RASL11B: variants seen among roughly 807,000 people sequenced by gnomAD.
RASL11B encodes the protein ras-like protein family member 11B.
RASL11B carries 14 observed loss-of-function variants against 22.9 expected under a neutral mutation model. That is an observed-to-expected ratio of 0.61 (90% CI 0.40 to 0.96). RASL11B has a LOEUF of 0.96. Among genes scored for constraint, RASL11B ranks in the 40% least tolerant of loss-of-function variants. The pLI is 0.00. For synonymous variants in RASL11B, 143 were observed against 130.2 expected (o/e 1.10, Z -0.67); for missense variants, 261 against 322.0 (o/e 0.81, Z 1.45).
chr4:52,865,780 A>G lies in RASL11B; in HGVS notation c.722A>G (p.Lys241Arg). ...AGGTTTAAGCAAGCCCTCTCTGCCA[A>G]AGTGAGGACTGTCACCTCCGTCTGA... ...KRRFKQALSA[K>R]VRTVTSV Residue 241 changes from lysine to arginine, a missense_variant, in exon 4 of 4, where the codon AAA becomes AGA. By Grantham distance (26) the Lys-to-Arg change is conservative (BLOSUM62 2). Coordinates refer to ENST00000248706, the MANE Select transcript of RASL11B (RefSeq NM_023940.3). 2.5e-6 allele frequency: 4 copies of G among 1,613,740 alleles called. No homozygotes were observed. The highest frequency in any genetic ancestry group is 3.4e-6 in the Non-Finnish European group (4 of 1,179,920).
intron 1 of RASL11B, 140 bp downstream of exon 1, chr4:52,862,789 G>C (rs961297736): frequency 2.9e-6 from 3 of 1,048,510 alleles, no homozygotes; most frequent in African/African-American, 3.3e-5. Flanking sequence ...CCCCTTGGGA[G>C]TGGGCTTAGC....
chr4:52,862,663 C>G lies in RASL11B; in HGVS notation c.142+14C>G. On this transcript the variant is annotated intron_variant, in intron 1 of 3. Transcript: ENST00000248706. ...TGGGCAAGACCGGTGAGTCGTCGCG[C>G]TTAGCCCTGGGTCTGGTCTTGGACG... 5 of 1,555,366 alleles carry G rather than the reference C, an allele frequency of 3.2e-6. No individual in the cohort carries two copies. The highest frequency in any genetic ancestry group is 4.3e-6 in the Non-Finnish European group (5 of 1,160,732).
In RASL11B at chr4:52,862,534, C is replaced by A; in HGVS notation, c.27C>A (p.Thr9=). 1 of 1,606,820 alleles carries A rather than the reference C, an allele frequency of 6.2e-7. No individual in the cohort carries two copies. ...TGCGCCTCATTCAGAACATGTGCACCATCGCCGAGTACCCCGCGCCGGGCA... is the reference window on the plus strand; with the variant it reads ...TGCGCCTCATTCAGAACATGTGCACAATCGCCGAGTACCCCGCGCCGGGCA... MRLIQNMC[T]IAEYPAPGNA... is the part of the protein sequence containing the mutation. The change falls in exon 1 of 4, where the codon ACC becomes ACA. Residue 9 remains threonine, a synonymous_variant. Transcript: ENST00000248706.
chr4:52,866,102 T>C lies in RASL11B; in HGVS notation c.*297T>C. On this transcript the variant is annotated 3_prime_UTR_variant, in exon 4 of 4. Transcript: ENST00000248706. ...AATCGTTTCGGTTTCTGCATTCAAC[T>C]ACCTTGTAAATGGTGGTCCGTTGCA... is the stretch of plus-strand genomic sequence containing the variant. 1 of 396,234 alleles carries C rather than the reference T, an allele frequency of 2.5e-6. No homozygotes were observed. The highest frequency in any genetic ancestry group is 4.1e-5 in the South Asian group (1 of 24,664). 24.5% of individuals were successfully genotyped at this position (396,234 alleles called of 1,614,324 possible).
rs1051389471 is a variant in RASL11B, at chr4:52,862,447, G to C, written c.-61G>C. ...GTCGGGTCCTCCCGCCCGCTCCCGC[G>C]CAGCGCTAGCATTCTCCAGTCCCTC... On this transcript the variant is annotated 5_prime_UTR_variant, in exon 1 of 4. Coordinates refer to ENST00000248706, the MANE Select transcript of RASL11B (RefSeq NM_023940.3). 6.6e-7 allele frequency: 1 copy of C among 1,517,258 alleles called. No homozygotes were observed. Among genetic ancestry groups the C allele is most frequent in the Non-Finnish European group, 8.8e-7 (1 of 1,130,814 alleles). 94.0% of individuals were successfully genotyped at this position (1,517,258 alleles called of 1,614,324 possible).
rs553131197 is a variant in RASL11B, at chr4:52,865,736, C to T, written c.678C>T (p.Asn226=). Residue 226 remains asparagine (N), a synonymous_variant, in exon 4 of 4, where the codon AAC becomes AAT. Transcript: ENST00000248706. ...TCATTCCCAGGCCCAAGTCACCCAA[C>T]ATGCAGGACCTGAAGAGGAGGTTTA... ...TSLIPRPKSP[N]MQDLKRRFKQ... 3 of 1,614,058 alleles carry T rather than the reference C, an allele frequency of 1.9e-6. No individual in the cohort carries two copies. In the African/African-American group the frequency reaches 4.0e-5, roughly 22 times the overall value.
Position 52,865,875 on chromosome 4 carries a change from C to G in RASL11B, c.*70C>G. ...GCCTGAGGTTCTCCTAGTGCAGGAA[C>G]GTTGAATATTGGCAATGATTCCTGG... On this transcript the variant is annotated 3_prime_UTR_variant, in exon 4 of 4. Transcript: ENST00000248706. The G allele has an allele frequency of 8.8e-7, 1 of 1,136,162 alleles. No homozygotes were observed. The highest frequency in any genetic ancestry group is 1.3e-6 in the Non-Finnish European group (1 of 786,430). 70.4% of individuals were successfully genotyped at this position (1,136,162 alleles called of 1,614,324 possible). A position where few individuals can be genotyped will look rare whatever the true frequency, so the allele number is the denominator to read the frequency against.
rs1435166234 is a variant in RASL11B at position 52,862,457 on chromosome 4, C to T, written c.-51C>T. On this transcript the variant is annotated 5_prime_UTR_variant, in exon 1 of 4. Transcript: ENST00000248706. ...CCCGCCCGCTCCCGCGCAGCGCTAG[C>T]ATTCTCCAGTCCCTCAGTCCCTTCC... 2 of 1,568,776 alleles carry T rather than the reference C, an allele frequency of 1.3e-6. No individual in the cohort carries two copies. The highest frequency in any genetic ancestry group is 2.3e-5 in the South Asian group (2 of 86,464).
rs938076646 is a variant in RASL11B at position 52,863,441 on chromosome 4, A to G, written c.199+117A>G. The G allele has an allele frequency of 4.9e-6, 4 of 822,180 alleles. No individual in the cohort carries two copies. In the East Asian group the frequency reaches 8.0e-5, roughly 16 times the overall value. The allele number at this position is 822,180 out of a possible 1,614,324, so 50.9% of individuals were successfully genotyped here. A position where few individuals can be genotyped will look rare whatever the true frequency, so the allele number is the denominator to read the frequency against. On this transcript the variant is annotated intron_variant, in intron 2 of 3. Transcript: ENST00000248706. ...ACAGTCCGAGCCTGAGGATCCCGCC[A>G]CTTAAAACTTTCCCCAGTCCCCAGC...
rs1181523127 is a variant in RASL11B at position 52,866,342 on chromosome 4, C to T, written c.*537C>T. On this transcript the variant is annotated 3_prime_UTR_variant, in exon 4 of 4. Coordinates refer to ENST00000248706, the MANE Select transcript of RASL11B (RefSeq NM_023940.3). ...ATGCCTTTCTAACCTGAAGGATACC[C>T]AGATTTCTTTCTTTATGTACAAGAT... 1 of 153,814 alleles carries T rather than the reference C, an allele frequency of 6.5e-6. No homozygotes were observed. Among genetic ancestry groups the T allele is most frequent in the South Asian group, 2.0e-4 (1 of 4,916 alleles). 9.5% of individuals were successfully genotyped at this position (153,814 alleles called of 1,614,324 possible). A position where few individuals can be genotyped will look rare whatever the true frequency, so the allele number is the denominator to read the frequency against.
At chr4:52,863,234 T>G in intron 1 of RASL11B, 34 bp from the exon 2 acceptor site, 1 of 1,601,944 alleles carries the variant, frequency 6.2e-7, no homozygotes, top group Non-Finnish European at 8.5e-7. Flanking sequence ...ACTTCCAAGG[T>G]TAACACTTTG....
At chr4:52,864,612 A>G (rs1718224947) in intron 3 of RASL11B, 58 bp downstream of exon 3, 1 of 1,139,980 alleles carries the variant, frequency 8.8e-7, no homozygotes, top group Admixed American at 1.7e-5. Context: ...GGAATCACTC[A>G]CTTCTTCTCA....
chr4:52,865,581 G>A lies in RASL11B; in HGVS notation c.523G>A (p.Gly175Ser). The change falls in exon 4 of 4, where the codon GGC becomes AGC. Residue 175 changes from glycine to serine, a missense_variant. Physicochemically the swap from Gly to Ser is moderately conservative, Grantham distance 56. Transcript: ENST00000248706. ...QLGLQLASML[G>S]CSFYEVSVSE... ...TGGACTGCAGCTAGCCAGCATGCTA[G>A]GCTGCTCATTCTATGAAGTGTCTGT... 6.2e-7 allele frequency: 1 copy of A among 1,614,136 alleles called. No homozygotes were observed. Among genetic ancestry groups the A allele is most frequent in the Non-Finnish European group, 8.5e-7 (1 of 1,179,986 alleles).
intron 2 of RASL11B, 138 bp downstream of exon 2, chr4:52,863,462 C>T: frequency 1.4e-6 from 1 of 694,112 alleles, no homozygotes; most frequent in Non-Finnish European, 2.5e-6. Flanking sequence ...TCCCCAGTCC[C>T]CAGCCCTCCA....
In RASL11B at chr4:52,863,449, C is replaced by T. The variant is rs1026806450; in HGVS notation, c.199+125C>T. On this transcript the variant is annotated intron_variant, in intron 2 of 3. Transcript: ENST00000248706. ...AGCCTGAGGATCCCGCCACTTAAAACTTTCCCCAGTCCCCAGCCCTCCATG... is the reference window on the plus strand; with the variant it reads ...AGCCTGAGGATCCCGCCACTTAAAATTTTCCCCAGTCCCCAGCCCTCCATG... The T allele has an allele frequency of 1.3e-5, 10 of 768,418 alleles. No individual in the cohort carries two copies. In the East Asian group the frequency reaches 2.4e-4, roughly 19 times the overall value. 47.6% of individuals were successfully genotyped at this position (768,418 alleles called of 1,614,324 possible). A position where few individuals can be genotyped will look rare whatever the true frequency, so the allele number is the denominator to read the frequency against.
In RASL11B at chr4:52,865,337, C is replaced by A; in HGVS notation, c.279C>A (p.Val93=). Reference sequence around the variant, plus strand: ...TTGCCATCACTCCTCTCTTTCAGGTCCATGAGAACAGCCTGAGCTGCAGTG... The same window carrying A: ...TTGCCATCACTCCTCTCTTTCAGGTACATGAGAACAGCCTGAGCTGCAGTG... ...LQVQDTPGIQ[V]HENSLSCSEQ... is the part of the protein sequence containing the mutation. The change falls in exon 4 of 4, where the codon GTC becomes GTA. Residue 93 remains valine, a splice_region_variant and synonymous_variant. Transcript: ENST00000248706. The A allele has an allele frequency of 6.2e-7, 1 of 1,602,310 alleles. No individual in the cohort carries two copies. Among genetic ancestry groups the A allele is most frequent in the South Asian group, 1.1e-5 (1 of 89,992 alleles).
At position 52,862,499 on chromosome 4, in the gene RASL11B, G is replaced by C. The variant is rs1718177117; in HGVS notation, c.-9G>C. 1.2e-6 allele frequency: 2 copies of C among 1,602,150 alleles called. No individual in the cohort carries two copies. Among genetic ancestry groups the C allele is most frequent in the African/African-American group, 1.4e-5 (1 of 73,148 alleles). On this transcript the variant is annotated 5_prime_UTR_variant, in exon 1 of 4. Transcript: ENST00000248706. ...GTCCCTTCCCGCGCGGTGCGCCGCA[G>C]CCGAGGCGATGCGCCTCATTCAGAA... is the stretch of plus-strand genomic sequence containing the variant.
chr4:52,864,283 TAATA>T lies in RASL11B; in HGVS notation c.200-191_200-188del, dbSNP rs1718218472. 8.0e-6 allele frequency: 4 copies of T among 500,962 alleles called. No individual in the cohort carries two copies. The Admixed American group carries it at 1.1e-4, about 13-fold the overall frequency. 31.0% of individuals were successfully genotyped at this position (500,962 alleles called of 1,614,324 possible). ...AAACTTGCAAACTTTGCCCTGGTTT[TAATA>T]AATCTAACATAGGGTTAAAATTGCT... On this transcript the variant is annotated intron_variant, in intron 2 of 3. Transcript: ENST00000248706.
intron 2 of RASL11B, among the ~76,000 whole-genome samples, chr4:52,863,890 C>T (rs1263234654): frequency 6.6e-6 from 1 of 152,204 alleles, no homozygotes; most frequent in African/African-American, 2.4e-5. Context: ...GGCTTAAGAG[C>T]TTTCTGCCTA....
Sources: gnomAD v4.1 joint callset for allele counts (sites outside exome capture counted in the v4.1 genomes callset) on GRCh38, gnomAD v4.1.1 for gene constraint, MANE v1.5 for transcripts, NCBI Gene and HGNC (gene_info 2026-07-23, HGNC 2026-07-21) for gene names.